The following UBE3D variants were observed in gnomAD, a reference collection of about 807,000 sequenced individuals.
UBE3D encodes the protein E3 ubiquitin-protein ligase E3D.
UBE3D carries 48 observed loss-of-function variants against 49.6 expected under a neutral mutation model. The ratio of observed to expected loss-of-function variants is 0.97; its 90% CI spans 0.77 to 1.23. The LOEUF (loss-of-function observed/expected upper bound fraction) is 1.23, where lower values mean the gene tolerates loss of function less well. Among genes scored for constraint, UBE3D ranks in the 50% most tolerant of loss-of-function variants. UBE3D has a pLI of 0.00. For synonymous variants in UBE3D, 189 were observed against 174.2 expected, an observed-to-expected ratio of 1.08 and a Z score of -0.67; for missense variants, 452 against 468.4, an observed-to-expected ratio of 0.96 and a Z score of 0.32.
intron 3 of UBE3D, among the ~76,000 whole-genome samples, chr6:83,052,306 A>G (rs926515609): frequency 8.5e-5 from 13 of 152,206 alleles, no homozygotes; most frequent in Non-Finnish European, 1.8e-4. Flanking sequence ...ACTACCCTGT[A>G]CTGCACTCTC....
At chr6:83,048,804 G>C (rs535565032) in intron 3 of UBE3D, among the ~76,000 whole-genome samples, 2 of 152,218 alleles carry the variant, frequency 1.3e-5, no homozygotes, top group East Asian at 3.9e-4. Flanking sequence ...TTGCTTTACT[G>C]AAAGCATATT....
intron 8 of UBE3D, among the ~76,000 whole-genome samples, chr6:82,999,034 A>G (rs923393374): frequency 2.6e-5 from 4 of 152,004 alleles, no homozygotes; most frequent in African/African-American, 9.7e-5. Context: ...CTCCTTTCCA[A>G]ATGACCATTT....
intron 8 of UBE3D, among the ~76,000 whole-genome samples, chr6:82,967,315 CATTT>C (rs1777015869): frequency 6.6e-6 from 1 of 152,154 alleles, no homozygotes; most frequent in Non-Finnish European, 1.5e-5. Context: ...AACATGCATT[CATTT>C]GTGTGTGTCT....
intron 9 of UBE3D, among the ~76,000 whole-genome samples, chr6:82,897,679 A>C (rs1771430993): frequency 6.6e-6 from 1 of 152,234 alleles, no homozygotes; most frequent in Admixed American, 6.5e-5. Context: ...TATAAATGTA[A>C]AAACAAAAAT....
At chr6:82,890,211 T>G (rs915963399), downstream of UBE3D, among the ~76,000 whole-genome samples, 4 of 152,170 alleles carry the variant, frequency 2.6e-5, no homozygotes, top group African/African-American at 9.7e-5. Flanking sequence ...TTAAATGTCT[T>G]TAATGCTATC....
chr6:82,980,118 G>C (rs910923391), intron 8 of UBE3D, among the ~76,000 whole-genome samples: 4 of 152,108 alleles, frequency 2.6e-5, no homozygotes, highest in Non-Finnish European at 5.9e-5. Context: ...CCCAGTAGTG[G>C]GATTGCTAGA....
intron 5 of UBE3D, chr6:83,036,485 A>C (rs1233122206): frequency 1.4e-5 from 2 of 146,870 alleles, no homozygotes; most frequent in African/African-American, 5.0e-5. Flanking sequence ...CTTCAAGGGC[A>C]TTTTTTTTTT....
At chr6:82,883,186 G>A in the UBE3D span, among the ~76,000 whole-genome samples, 27,224 of 152,018 alleles carry the variant, frequency 0.18, 2,966 homozygotes, top group Admixed American at 0.37. Context: ...TTTTTGAAAA[G>A]TATATTTTCA....
chr6:83,035,591 T>C (rs1444712761), intron 5 of UBE3D, among the ~76,000 whole-genome samples: 2 of 150,964 alleles, frequency 1.3e-5, no homozygotes, highest in Non-Finnish European at 2.9e-5. Flanking sequence ...TTCTAATTCT[T>C]AATCTGTCTT....
At chr6:82,898,315 A>G (rs1171270899) in intron 9 of UBE3D, among the ~76,000 whole-genome samples, 1 of 152,212 alleles carries the variant, frequency 6.6e-6, no homozygotes, top group Non-Finnish European at 1.5e-5. Flanking sequence ...TGACCCAGCA[A>G]TCCCATTACT....
intron 9 of UBE3D, among the ~76,000 whole-genome samples, chr6:82,903,362 G>A (rs1022960153): frequency 6.6e-6 from 1 of 152,044 alleles, no homozygotes; most frequent in South Asian, 2.1e-4. Context: ...GAGATAGAAT[G>A]GCAAAGTAAA....
intron 9 of UBE3D, among the ~76,000 whole-genome samples, chr6:82,950,175 C>T (rs6900822): frequency 0.16 from 24,394 of 152,076 alleles, 1,998 homozygotes; most frequent in African/African-American, 0.17. Flanking sequence ...AGGAAAATAT[C>T]TAATCAACTG....
intron 9 of UBE3D, among the ~76,000 whole-genome samples, chr6:82,933,893 G>A (rs2783165): frequency 0.67 from 102,066 of 151,798 alleles, 34,794 homozygotes; most frequent in East Asian, 0.79. Context: ...AAAGCCACGT[G>A]AGTGCCTAGT....
intron 8 of UBE3D, among the ~76,000 whole-genome samples, chr6:82,975,684 A>G (rs1348492417): frequency 1.3e-5 from 2 of 152,214 alleles, no homozygotes; most frequent in African/African-American, 4.8e-5. Context: ...CTTAACAAGT[A>G]AACTCAATTG....
intron 9 of UBE3D, among the ~76,000 whole-genome samples, chr6:82,902,988 T>C (rs1240046491): frequency 6.6e-6 from 1 of 152,186 alleles, no homozygotes; most frequent in Non-Finnish European, 1.5e-5. Flanking sequence ...GTAACAAGAC[T>C]AGGGGTGTGA....
At chr6:83,050,606 C>T (rs1219653431) in intron 3 of UBE3D, among the ~76,000 whole-genome samples, 1 of 152,126 alleles carries the variant, frequency 6.6e-6, no homozygotes, top group African/African-American at 2.4e-5. Flanking sequence ...TTTTGAAAAC[C>T]TTTGGTCTTG....
At chr6:82,885,170 A>AG in the UBE3D span, among the ~76,000 whole-genome samples, 2 of 152,050 alleles carry the variant, frequency 1.3e-5, no homozygotes, top group African/African-American at 4.8e-5. Flanking sequence ...AGAAAAAAAA[A>AG]AAGCACTGAC....
intron 8 of UBE3D, among the ~76,000 whole-genome samples, chr6:82,963,377 T>A (rs1776691116): frequency 6.6e-6 from 1 of 152,138 alleles, no homozygotes; most frequent in African/African-American, 2.4e-5. Context: ...ACTCACATAT[T>A]ATATTAGTCT....
chr6:83,010,520 T>A (rs144163830), intron 8 of UBE3D, among the ~76,000 whole-genome samples: 16 of 152,248 alleles, frequency 1.1e-4, no homozygotes, highest in African/African-American at 3.6e-4. Flanking sequence ...AATATAGCAA[T>A]ATTAACCATC....
Sources: gnomAD v4.1 joint callset for allele counts (sites outside exome capture counted in the v4.1 genomes callset) on GRCh38, gnomAD v4.1.1 for gene constraint, MANE v1.5 for transcripts, NCBI Gene and HGNC (gene_info 2026-07-23, HGNC 2026-07-21) for gene names.